KCNQ5: variants seen among roughly 807,000 people sequenced by gnomAD.
KCNQ5 encodes potassium voltage-gated channel subfamily Q member 5.
Under a neutral mutation model 98.2 loss-of-function variants are expected in KCNQ5, and 30 were observed. That is an observed-to-expected ratio of 0.31 (90% CI 0.23 to 0.41). KCNQ5 has a LOEUF of 0.41. KCNQ5 is among the 10% of genes least tolerant of loss of function. The pLI is 1.00. For missense variants in KCNQ5, 835 were observed against 1,182.5 expected, an observed-to-expected ratio of 0.71 and a Z score of 4.31; for synonymous variants, 458 against 449.4, an observed-to-expected ratio of 1.02 and a Z score of -0.24.
chr6:72,719,256 A>G (rs150915535), intron 1 of KCNQ5, among the ~76,000 whole-genome samples: 58 of 152,334 alleles, frequency 3.8e-4, no homozygotes, highest in African/African-American at 1.3e-3. Flanking sequence ...AAAGACTGAC[A>G]ATGCTCATTG....
At chr6:73,031,890 A>T (rs1302672781) in intron 2 of KCNQ5, among the ~76,000 whole-genome samples, 1 of 152,190 alleles carries the variant, frequency 6.6e-6, no homozygotes, top group African/African-American at 2.4e-5. Flanking sequence ...CTCCCAGTAT[A>T]AGAGCAATTC....
rs538013367 is a variant in KCNQ5 at position 72,931,861 on chromosome 6, C to G, written c.399-72047C>G. Among the ~76,000 whole-genome samples the G allele has an allele frequency of 2.0e-5, 3 of 152,202 alleles. No homozygotes were observed. In the East Asian group the frequency reaches 5.8e-4, roughly 29 times the overall value. ...CCAGAGAGAGCTTCCAGATTGTAGT[C>G]CCCAAAGGCTAGAGTTGAGGGAGGA... On this transcript the variant is annotated intron_variant, in intron 1 of 13. Transcript: ENST00000370398.
intron 1 of KCNQ5, among the ~76,000 whole-genome samples, chr6:72,811,862 T>C (rs770319021): frequency 2.6e-5 from 4 of 152,186 alleles, no homozygotes; most frequent in Non-Finnish European, 5.9e-5. Flanking sequence ...GGCTACTCCA[T>C]AGGCAGAGCA....
chr6:72,976,598 C>T (rs1353342986), intron 1 of KCNQ5, among the ~76,000 whole-genome samples: 1 of 152,148 alleles, frequency 6.6e-6, no homozygotes, highest in Non-Finnish European at 1.5e-5. Flanking sequence ...GCCCTTTTCT[C>T]GGTTGTGGAT....
chr6:72,760,753 T>C (rs981445295), intron 1 of KCNQ5, among the ~76,000 whole-genome samples: 5 of 152,116 alleles, frequency 3.3e-5, no homozygotes, highest in African/African-American at 9.7e-5. Context: ...CTGTCAAAAC[T>C]GATGAATCAA....
At chr6:72,981,095 C>A (rs7753405) in intron 1 of KCNQ5, among the ~76,000 whole-genome samples, 13,676 of 151,996 alleles carry the variant, frequency 0.09, 1,212 homozygotes, top group African/African-American at 0.23. Flanking sequence ...ATCGATATTC[C>A]TCGGGATATT....
At chr6:73,049,958 G>A (rs989274751) in intron 3 of KCNQ5, among the ~76,000 whole-genome samples, 1 of 152,052 alleles carries the variant, frequency 6.6e-6, no homozygotes, top group African/African-American at 2.4e-5. Context: ...GAGCAAGGTA[G>A]GAGGATCACT....
chr6:72,801,092 T>C (rs1774625270), intron 1 of KCNQ5, among the ~76,000 whole-genome samples: 1 of 152,064 alleles, frequency 6.6e-6, no homozygotes, highest in Non-Finnish European at 1.5e-5. Context: ...CTGAAAAAAA[T>C]GTATATTCTG....
At chr6:73,182,967 T>C (rs535279963) in intron 11 of KCNQ5, among the ~76,000 whole-genome samples, 1 of 152,164 alleles carries the variant, frequency 6.6e-6, no homozygotes, top group Non-Finnish European at 1.5e-5. Context: ...ATATTAGCCA[T>C]GGACTGATTC....
chr6:73,092,195 A>G (rs575259221), intron 5 of KCNQ5, among the ~76,000 whole-genome samples: 51 of 151,938 alleles, frequency 3.4e-4, no homozygotes, highest in African/African-American at 1.1e-3. Flanking sequence ...CTGTTGGTGT[A>G]TAGAAGAGAT....
intron 1 of KCNQ5, among the ~76,000 whole-genome samples, chr6:72,708,680 C>T (rs1769212522): frequency 6.6e-6 from 1 of 152,100 alleles, no homozygotes; most frequent in Admixed American, 6.6e-5. Flanking sequence ...CACCACCCTG[C>T]CCAGCTAATT....
At chr6:72,900,465 T>TTATATATATTCCATCATATA (rs1779447396) in intron 1 of KCNQ5, among the ~76,000 whole-genome samples, 1 of 147,456 alleles carries the variant, frequency 6.8e-6, no homozygotes, top group Non-Finnish European at 1.5e-5. Context: ...ATGATTTATT[T>TTATATATATTCCATCATATA]TATATATATT....
intron 1 of KCNQ5, among the ~76,000 whole-genome samples, chr6:72,739,971 C>A (rs1050437589): frequency 5.3e-5 from 8 of 152,158 alleles, no homozygotes; most frequent in Non-Finnish European, 1.2e-4. Flanking sequence ...CTCACAGATT[C>A]TCGAGGTCAG....
Position 72,854,758 on chromosome 6 carries a change from T to TTGTGTGTGTGTGTGTG in KCNQ5, c.399-149139_399-149124dup, listed in dbSNP as rs34867008. Among the ~76,000 whole-genome samples the TTGTGTGTGTGTGTGTG allele has an allele frequency of 8.1e-4, 103 of 127,156 alleles. 1 individual carries two copies. Among genetic ancestry groups the TTGTGTGTGTGTGTGTG allele is most frequent in the African/African-American group, 2.3e-3 (77 of 33,648 alleles). 83.4% of individuals were successfully genotyped at this position (127,156 alleles called of 152,430 possible). ...CACACACACACACACACACCATGGT[T>TTGTGTGTGTGTGTGTG]TGTGTGTGTGTGTGTGTGTGTGTGT... On this transcript the variant is annotated intron_variant, in intron 1 of 13. Transcript: ENST00000370398.
chr6:73,009,203 G>T (rs556528001), intron 2 of KCNQ5, among the ~76,000 whole-genome samples: 9 of 152,020 alleles, frequency 5.9e-5, no homozygotes, highest in South Asian at 2.1e-4. Context: ...TATTAGCCAG[G>T]CTGGTCTTGA....
At chr6:73,131,426 A>C (rs1232049776) in intron 9 of KCNQ5, among the ~76,000 whole-genome samples, 1 of 152,082 alleles carries the variant, frequency 6.6e-6, no homozygotes, top group African/African-American at 2.4e-5. Flanking sequence ...GTAATAGATA[A>C]AATCAAATAT....
At chr6:72,639,836 T>C (rs2098926239) in intron 1 of KCNQ5, among the ~76,000 whole-genome samples, 2 of 152,034 alleles carry the variant, frequency 1.3e-5, no homozygotes, top group Admixed American at 1.3e-4. Context: ...TCCAAGCAGC[T>C]GGAGGTCTGT....
chr6:72,930,069 A>T (rs935887832), intron 1 of KCNQ5, among the ~76,000 whole-genome samples: 3 of 152,016 alleles, frequency 2.0e-5, no homozygotes, highest in Non-Finnish European at 4.4e-5. Flanking sequence ...TGTTTGTCCC[A>T]CTTTATGAAT....
At chr6:72,778,476 C>T (rs1773278061) in intron 1 of KCNQ5, among the ~76,000 whole-genome samples, 1 of 151,078 alleles carries the variant, frequency 6.6e-6, no homozygotes. Context: ...GAGGAGGGGA[C>T]TGCAATGAGC....
Sources: allele counts gnomAD v4.1 joint callset (sites outside exome capture counted in the v4.1 genomes callset), GRCh38; gene constraint gnomAD v4.1.1; transcripts MANE v1.5; gene names NCBI Gene and HGNC (gene_info 2026-07-23, HGNC 2026-07-21).